Variants in NGF observed in about 807,000 individuals in gnomAD.
The protein encoded by NGF is nerve growth factor, also known as beta-nerve growth factor.
In NGF, 4 loss-of-function variants were observed where a neutral mutation model predicts 12.8. The observed-to-expected ratio is 0.31, with a 90% CI of 0.15 to 0.72. The LOEUF (loss-of-function observed/expected upper bound fraction) is 0.72, where lower values mean the gene tolerates loss of function less well. Ranked by LOEUF, NGF falls within the 30% of genes least tolerant of loss-of-function variation. The pLI is 0.69. For synonymous variants in NGF, 140 were observed against 130.0 expected, an observed-to-expected ratio of 1.08 and a Z score of -0.52; for missense variants, 283 against 330.8, an observed-to-expected ratio of 0.86 and a Z score of 1.12.
intron 1 of NGF, among the ~76,000 whole-genome samples, chr1:115,316,259 C>T (rs1300983476): frequency 6.6e-6 from 1 of 152,142 alleles, no homozygotes; most frequent in Non-Finnish European, 1.5e-5. Context: ...ACTCCTGCCA[C>T]ACCAAATTAG....
At chr1:115,328,594 T>G (rs1203453185) in intron 1 of NGF, among the ~76,000 whole-genome samples, 1 of 152,230 alleles carries the variant, frequency 6.6e-6, no homozygotes, top group East Asian at 1.9e-4. Context: ...CAGAAACTTC[T>G]TTAGAATTTT....
At chr1:115,314,582 A>G (rs1478431106) in intron 1 of NGF, among the ~76,000 whole-genome samples, 3 of 152,238 alleles carry the variant, frequency 2.0e-5, no homozygotes, top group African/African-American at 7.2e-5. Context: ...CAGGTGCACC[A>G]TGCCTGGAAC....
intron 1 of NGF, among the ~76,000 whole-genome samples, chr1:115,311,820 T>C (rs1415172306): frequency 1.3e-5 from 2 of 152,182 alleles, no homozygotes; most frequent in Non-Finnish European, 2.9e-5. Context: ...ATCAAATAAA[T>C]GTGCATAAGA....
At chr1:115,332,314 C>A (rs577179787) in intron 1 of NGF, among the ~76,000 whole-genome samples, 9 of 152,106 alleles carry the variant, frequency 5.9e-5, no homozygotes, top group Non-Finnish European at 1.2e-4. Flanking sequence ...CATTACAAGG[C>A]GAAGATAAAT....
chr1:115,322,069 G>A (rs1439421487), intron 1 of NGF, among the ~76,000 whole-genome samples: 1 of 152,054 alleles, frequency 6.6e-6, no homozygotes, highest in Non-Finnish European at 1.5e-5. Flanking sequence ...ATATCCTCAC[G>A]GCATTTTATA....
At chr1:115,313,547 C>T (rs933065360) in intron 1 of NGF, among the ~76,000 whole-genome samples, 2 of 152,286 alleles carry the variant, frequency 1.3e-5, no homozygotes, top group Non-Finnish European at 2.9e-5. Context: ...GCGAAATACT[C>T]ATCATAGTAA....
At chr1:115,335,561 C>T (rs1655088884) in intron 1 of NGF, among the ~76,000 whole-genome samples, 1 of 152,222 alleles carries the variant, frequency 6.6e-6, no homozygotes. Flanking sequence ...GGGTTGTTTG[C>T]ACACAGATAT....
intron 1 of NGF, among the ~76,000 whole-genome samples, chr1:115,332,042 G>A (rs1012153994): frequency 6.6e-6 from 1 of 152,316 alleles, no homozygotes; most frequent in Non-Finnish European, 1.5e-5. Context: ...ATGCCCCACT[G>A]CCATAGCAAA....
intron 1 of NGF, among the ~76,000 whole-genome samples, chr1:115,297,428 C>T (rs903302244): frequency 1.4e-4 from 22 of 152,120 alleles, no homozygotes; most frequent in Non-Finnish European, 1.8e-4. Context: ...GGACCATACT[C>T]CTAGGACTTA....
At chr1:115,294,662 G>C (rs955757090) in intron 1 of NGF, among the ~76,000 whole-genome samples, 3 of 152,252 alleles carry the variant, frequency 2.0e-5, no homozygotes, top group African/African-American at 7.2e-5. Context: ...TAGACAGGAC[G>C]CTCAGCGAGG....
chr1:115,301,228 G>A (rs920544660), intron 1 of NGF, among the ~76,000 whole-genome samples: 1 of 152,076 alleles, frequency 6.6e-6, no homozygotes, highest in Non-Finnish European at 1.5e-5. Context: ...CCAGAACATT[G>A]TGAGTAATTA....
chr1:115,331,033 T>C (rs1654908526), intron 1 of NGF, among the ~76,000 whole-genome samples: 1 of 152,118 alleles, frequency 6.6e-6, no homozygotes, highest in Non-Finnish European at 1.5e-5. Flanking sequence ...CCTGTGCTTT[T>C]CCTGGGGCAG....
At chr1:115,307,632 C>T (rs569886422) in intron 1 of NGF, among the ~76,000 whole-genome samples, 27 of 152,316 alleles carry the variant, frequency 1.8e-4, no homozygotes, top group African/African-American at 6.3e-4. Flanking sequence ...ACCAAAAGAA[C>T]CCAGATTTCA....
intron 1 of NGF, among the ~76,000 whole-genome samples, chr1:115,303,833 T>C (rs1261641692): frequency 6.6e-6 from 1 of 152,252 alleles, no homozygotes; most frequent in African/African-American, 2.4e-5. Context: ...AGAAGATAGC[T>C]GAGCCTTGAG....
intron 1 of NGF, among the ~76,000 whole-genome samples, chr1:115,333,671 T>TTC (rs1491309692): frequency 1.8e-5 from 1 of 56,228 alleles, no homozygotes; most frequent in Non-Finnish European, 2.7e-5. Flanking sequence ...CTTTCTTTCT[T>TTC]TCTTTCTTTC....
chr1:115,300,175 T>G (rs918943508), intron 1 of NGF, among the ~76,000 whole-genome samples: 1 of 152,194 alleles, frequency 6.6e-6, no homozygotes, highest in Non-Finnish European at 1.5e-5. Flanking sequence ...TCAAGAAATG[T>G]TACAACACAT....
In NGF at chr1:115,287,829, C is replaced by T. The variant is rs11466109; in HGVS notation, c.-12-1022G>A. 9.8e-3 allele frequency among the ~76,000 whole-genome samples: 1,494 copies of T among 152,292 alleles called. 24 individuals carry two copies. The highest frequency in any genetic ancestry group is 0.034 in the African/African-American group (1,399 of 41,558). On this transcript the variant is annotated intron_variant, in intron 2 of 2. Coordinates refer to ENST00000369512, the MANE Select transcript of NGF (RefSeq NM_002506.3). ...CTGTCCCCAAGAGGACTCCATACTG[C>T]ACTGCAGTTACCCCACAAATAATCC...
intron 1 of NGF, among the ~76,000 whole-genome samples, chr1:115,333,658 TTTCTTTC>T (rs1654991478): frequency 9.6e-5 from 1 of 10,434 alleles, no homozygotes; most frequent in South Asian, 2.7e-3. Flanking sequence ...TTTCTTTCTC[TTTCTTTC>T]TTTCTTTCTT....
intron 2 of NGF, among the ~76,000 whole-genome samples, chr1:115,290,848 C>G (rs1272235169): frequency 2.0e-5 from 3 of 152,132 alleles, no homozygotes; most frequent in Admixed American, 6.5e-5. Flanking sequence ...AACTCCTCCT[C>G]TAAGAAACTG....
Sources: allele counts gnomAD v4.1 joint callset (sites outside exome capture counted in the v4.1 genomes callset), GRCh38; gene constraint gnomAD v4.1.1; transcripts MANE v1.5; gene names NCBI Gene and HGNC (gene_info 2026-07-23, HGNC 2026-07-21).